Variants in GRIK2 observed in about 807,000 individuals in gnomAD.
The protein encoded by GRIK2 is glutamate receptor ionotropic, kainate 2.
In GRIK2, 32 loss-of-function variants were observed where a neutral mutation model predicts 100.3. The observed-to-expected ratio is 0.32, with a 90% CI of 0.24 to 0.43. The LOEUF (loss-of-function observed/expected upper bound fraction) is 0.43. GRIK2 is among the 20% of genes least tolerant of loss of function. GRIK2 has a pLI of 1.00. For missense variants in GRIK2, 843 were observed against 1,114.9 expected, an observed-to-expected ratio of 0.76 and a Z score of 3.47; for synonymous variants, 417 against 389.4, an observed-to-expected ratio of 1.07 and a Z score of -0.83.
chr6:101,931,222 A>G (rs1790264284), intron 14 of GRIK2, among the ~76,000 whole-genome samples: 2 of 152,122 alleles, frequency 1.3e-5, no homozygotes, highest in African/African-American at 4.8e-5. Flanking sequence ...GAATTCAAAA[A>G]CTACCTACTC....
chr6:101,933,870 A>G (rs1246119835), intron 14 of GRIK2, among the ~76,000 whole-genome samples: 1 of 151,958 alleles, frequency 6.6e-6, no homozygotes. Flanking sequence ...AAGTGTAGGT[A>G]ATGAAGTTAG....
intron 2 of GRIK2, among the ~76,000 whole-genome samples, chr6:101,603,492 T>C (rs542956025): frequency 3.3e-5 from 5 of 151,772 alleles, no homozygotes; most frequent in South Asian, 4.1e-4. Flanking sequence ...ATTTTAAGAA[T>C]GGAGTGAGAT....
In GRIK2 at chr6:101,682,535, A is replaced by G; in HGVS notation, c.724-18A>G. The G allele has an allele frequency of 1.1e-6, 1 of 905,460 alleles. No individual in the cohort carries two copies. 56.1% of individuals were successfully genotyped at this position (905,460 alleles called of 1,614,324 possible). A position where few individuals can be genotyped will look rare whatever the true frequency, so the allele number is the denominator to read the frequency against. ...TTTCCTGAAATATGTACCTTCAGTA[A>G]TTTTTTTTTTTCCTTAGGCATTAGC... is the stretch of plus-strand genomic sequence containing the variant. On this transcript the variant is annotated intron_variant, in intron 5 of 16. Transcript: ENST00000369134.
chr6:101,566,957 CATTT>C (rs980716821), intron 2 of GRIK2, among the ~76,000 whole-genome samples: 4 of 150,048 alleles, frequency 2.7e-5, no homozygotes, highest in East Asian at 1.9e-4. Flanking sequence ...ATGTAATAGA[CATTT>C]ATATATGTAT....
intron 7 of GRIK2, among the ~76,000 whole-genome samples, chr6:101,711,023 T>C (rs1773658848): frequency 6.6e-6 from 1 of 151,806 alleles, no homozygotes; most frequent in South Asian, 2.1e-4. Context: ...GCTGTGTGGA[T>C]ACCCTAAAAT....
At chr6:101,670,267 G>C (rs1353095821) in intron 4 of GRIK2, among the ~76,000 whole-genome samples, 1 of 152,018 alleles carries the variant, frequency 6.6e-6, no homozygotes, top group Non-Finnish European at 1.5e-5. Context: ...AATATATGTG[G>C]AATGAATGAA....
intron 12 of GRIK2, among the ~76,000 whole-genome samples, chr6:101,899,510 C>T (rs1787702324): frequency 1.3e-5 from 2 of 151,796 alleles, no homozygotes; most frequent in Admixed American, 1.3e-4. Flanking sequence ...AGTTTTAATA[C>T]CTTCTAACTT....
chr6:101,397,911 T>TA (rs950183241), intron 1 of GRIK2, among the ~76,000 whole-genome samples: 1 of 152,064 alleles, frequency 6.6e-6, no homozygotes, highest in African/African-American at 2.4e-5. Context: ...TTACTTAGTG[T>TA]AAAATATTAA....
chr6:101,617,843 T>TCA (rs1332734222), intron 2 of GRIK2, among the ~76,000 whole-genome samples: 8 of 151,154 alleles, frequency 5.3e-5, no homozygotes, highest in African/African-American at 9.7e-5. Context: ...TCTCCCTCTG[T>TCA]CACACACACA....
At chr6:101,816,424 G>A (rs998250465) in intron 9 of GRIK2, among the ~76,000 whole-genome samples, 3 of 152,146 alleles carry the variant, frequency 2.0e-5, no homozygotes, top group African/African-American at 7.2e-5. Context: ...GCTCACGCCT[G>A]TAATCCCAGC....
chr6:101,907,405 G>A (rs1283772170), intron 12 of GRIK2, among the ~76,000 whole-genome samples: 1 of 151,128 alleles, frequency 6.6e-6, no homozygotes, highest in Non-Finnish European at 1.5e-5. Flanking sequence ...AAAAAAAGCT[G>A]AGCATATCAT....
chr6:101,581,360 T>C (rs1778089412), intron 2 of GRIK2, among the ~76,000 whole-genome samples: 1 of 151,674 alleles, frequency 6.6e-6, no homozygotes, highest in South Asian at 2.1e-4. Flanking sequence ...GGATCACAAG[T>C]TGAGGTCCCA....
At chr6:101,847,794 C>T (rs1783896240) in intron 10 of GRIK2, among the ~76,000 whole-genome samples, 1 of 152,024 alleles carries the variant, frequency 6.6e-6, no homozygotes, top group Non-Finnish European at 1.5e-5. Context: ...GCTAGATTCC[C>T]TTGACTATAC....
intron 13 of GRIK2, chr6:101,927,182 T>G (rs1207427423): frequency 6.5e-6 from 1 of 154,016 alleles, no homozygotes; most frequent in Non-Finnish European, 1.4e-5. Flanking sequence ...ATTGCAATGG[T>G]AAGATGAACT....
chr6:101,483,597 TAG>T (rs1772650358), intron 2 of GRIK2, among the ~76,000 whole-genome samples: 2 of 152,190 alleles, frequency 1.3e-5, no homozygotes, highest in African/African-American at 4.8e-5. Flanking sequence ...TTATTTGGGA[TAG>T]AGTCTTGCTC....
rs535458144 is a variant in GRIK2, at chr6:101,935,920, ATATACT to A, written c.2085+7291_2085+7296del. ...TCTGACTTGGAAGATGAAATACCTA[ATATACT>A]TAGGCTTCTAAGCCAAAAACTATTC... is the stretch of plus-strand genomic sequence containing the variant. On this transcript the variant is annotated intron_variant, in intron 14 of 16. Coordinates refer to ENST00000369134, the MANE Select transcript of GRIK2 (RefSeq NM_021956.5). Among the ~76,000 whole-genome samples, 232 of 152,146 alleles carry A rather than the reference ATATACT, an allele frequency of 1.5e-3. 1 individual carries two copies. Among genetic ancestry groups the A allele is most frequent in the African/African-American group, 5.3e-3 (222 of 41,560 alleles).
chr6:101,665,260 C>A (rs981416290), intron 4 of GRIK2, among the ~76,000 whole-genome samples: 1 of 152,166 alleles, frequency 6.6e-6, no homozygotes, highest in Non-Finnish European at 1.5e-5. Context: ...CTGCTTCCCC[C>A]ATCCAGAACC....
chr6:101,571,781 T>A (rs936651906), intron 2 of GRIK2, among the ~76,000 whole-genome samples: 3 of 152,064 alleles, frequency 2.0e-5, no homozygotes, highest in Non-Finnish European at 4.4e-5. Flanking sequence ...CAATTGTAAA[T>A]GGTATTAAAA....
At chr6:101,910,901 T>C (rs1353205621) in intron 12 of GRIK2, among the ~76,000 whole-genome samples, 2 of 136,978 alleles carry the variant, frequency 1.5e-5, no homozygotes, top group Non-Finnish European at 3.1e-5. Flanking sequence ...TCAGGTATCT[T>C]TATCTAAGAT....
Sources: allele counts gnomAD v4.1 joint callset (sites outside exome capture counted in the v4.1 genomes callset), GRCh38; gene constraint gnomAD v4.1.1; transcripts MANE v1.5; gene names NCBI Gene and HGNC (gene_info 2026-07-23, HGNC 2026-07-21).